BMP2K: variants seen among roughly 807,000 people sequenced by gnomAD.
BMP2K encodes BMP2 inducible kinase, also known as BMP-2-inducible protein kinase.
Under a neutral mutation model 116.0 loss-of-function variants are expected in BMP2K, and 74 were observed. That is an observed-to-expected ratio of 0.64 (90% confidence interval 0.53 to 0.77). The LOEUF is 0.77. BMP2K is among the 30% of genes least tolerant of loss of function. The pLI is 0.00. For missense variants in BMP2K, 1,365 were observed against 1,403.6 expected (o/e 0.97, Z 0.44); for synonymous variants, 486 against 502.5 (o/e 0.97, Z 0.44).
chr4:78,870,325 A>G (rs1732266748), intron 10 of BMP2K, among the ~76,000 whole-genome samples: 1 of 152,230 alleles, frequency 6.6e-6, no homozygotes, highest in South Asian at 2.1e-4. Flanking sequence ...TGTGCAAGAC[A>G]GACTGAAATG....
At chr4:78,894,408 CT>C (rs1369053227) in intron 15 of BMP2K, among the ~76,000 whole-genome samples, 1 of 152,198 alleles carries the variant, frequency 6.6e-6, no homozygotes, top group Non-Finnish European at 1.5e-5. Flanking sequence ...ACTTGTTACA[CT>C]TCCTGCGTTA....
chr4:78,812,131 C>G (rs1223803955), intron 1 of BMP2K, among the ~76,000 whole-genome samples: 1 of 152,040 alleles, frequency 6.6e-6, no homozygotes, highest in Non-Finnish European at 1.5e-5. Flanking sequence ...CCACGCCTGG[C>G]TAATTTTTGT....
chr4:78,783,166 T>C (rs537558137), intron 1 of BMP2K, among the ~76,000 whole-genome samples: 1 of 152,218 alleles, frequency 6.6e-6, no homozygotes, highest in Admixed American at 6.5e-5. Context: ...CTGAATAGTT[T>C]GTTAGATAAT....
intron 5 of BMP2K, 144 bp downstream of exon 5, chr4:78,845,193 A>C (rs1203164949): frequency 2.7e-6 from 2 of 750,398 alleles, no homozygotes; most frequent in Non-Finnish European, 4.2e-6. Context: ...TGATTAATTC[A>C]TGTCTGATCT....
chr4:78,886,130 GGATTATAGGTGTGA>G (rs1408673962), intron 14 of BMP2K, among the ~76,000 whole-genome samples: 1 of 152,038 alleles, frequency 6.6e-6, no homozygotes, highest in African/African-American at 2.4e-5. Context: ...CAGAGTGCTG[GGATTATAGGTGTGA>G]GCCCCCATCC....
chr4:78,839,029 C>A lies in BMP2K; in HGVS notation c.404-3356C>A, dbSNP rs1034863293. On this transcript the variant is annotated intron_variant, in intron 3 of 15. Coordinates refer to ENST00000502613, the MANE Select transcript of BMP2K (RefSeq NM_198892.2). Reference sequence around the variant, plus strand: ...TTAATGTATGTTTTTAGGAAGTATTCTACATATGTTTCCATGGATTATGTA... The same window carrying A: ...TTAATGTATGTTTTTAGGAAGTATTATACATATGTTTCCATGGATTATGTA... Among the ~76,000 whole-genome samples the A allele has an allele frequency of 5.3e-5, 8 of 152,166 alleles. 1 individual carries two copies. The South Asian group carries it at 1.7e-3, about 32-fold the overall frequency.
At chr4:78,863,748 C>T (rs991155771) in intron 9 of BMP2K, among the ~76,000 whole-genome samples, 1 of 152,134 alleles carries the variant, frequency 6.6e-6, no homozygotes, top group African/African-American at 2.4e-5. Context: ...CTTCCCTATG[C>T]CTAATCTGCC....
chr4:78,794,211 T>C (rs115118633), intron 1 of BMP2K, among the ~76,000 whole-genome samples: 1 of 150,812 alleles, frequency 6.6e-6, no homozygotes, highest in Admixed American at 6.7e-5. Flanking sequence ...GACAATTTGG[T>C]AGGCTGAGTG....
intron 15 of BMP2K, among the ~76,000 whole-genome samples, chr4:78,901,007 A>G (rs1023845452): frequency 3.3e-5 from 5 of 152,160 alleles, no homozygotes; most frequent in African/African-American, 9.7e-5. Context: ...TCTTAGTTCT[A>G]TCACAGATTA....
chr4:78,791,844 T>C (rs2109934913), intron 1 of BMP2K, among the ~76,000 whole-genome samples: 1 of 151,638 alleles, frequency 6.6e-6, no homozygotes, highest in East Asian at 1.9e-4. Flanking sequence ...TTTGTCTGTC[T>C]GTGGGCATTT....
intron 1 of BMP2K, among the ~76,000 whole-genome samples, chr4:78,795,826 C>G (rs1728234152): frequency 6.6e-6 from 1 of 152,076 alleles, no homozygotes; most frequent in South Asian, 2.1e-4. Context: ...AAATGCAAAT[C>G]AAAACCACAA....
At chr4:78,907,818 T>C (rs1419982913) in intron 15 of BMP2K, among the ~76,000 whole-genome samples, 2 of 152,064 alleles carry the variant, frequency 1.3e-5, no homozygotes, top group African/African-American at 2.4e-5. Context: ...TTGGGCAACA[T>C]TGGAATGTTA....
chr4:78,840,811 T>C (rs1730722695), intron 3 of BMP2K, among the ~76,000 whole-genome samples: 1 of 152,194 alleles, frequency 6.6e-6, no homozygotes. Context: ...GAATTAAAGT[T>C]TGTTTAAAAT....
Position 78,776,717 on chromosome 4 carries a change from C to T in BMP2K, c.174C>T (p.Ala58=), listed in dbSNP as rs1384722197. 28 of 1,267,650 alleles carry T rather than the reference C, an allele frequency of 2.2e-5. No homozygotes were observed. The highest frequency in any genetic ancestry group is 2.7e-5 in the Non-Finnish European group (27 of 1,002,806). 78.5% of individuals were successfully genotyped at this position (1,267,650 alleles called of 1,614,324 possible). ...RHQVTLEESL[A]EGGFSTVFLV... ...AGGTCACCCTGGAAGAGTCGCTGGCCGAAGGTACGGGCGCCCGGGGAGGCT... is the reference window on the plus strand; with the variant it reads ...AGGTCACCCTGGAAGAGTCGCTGGCTGAAGGTACGGGCGCCCGGGGAGGCT... The change falls in exon 1 of 16, where the codon GCC becomes GCT. Residue 58 remains alanine (A), a synonymous_variant. Transcript: ENST00000502613.
intron 14 of BMP2K, among the ~76,000 whole-genome samples, chr4:78,885,846 C>T (rs1326838055): frequency 2.6e-5 from 4 of 152,068 alleles, no homozygotes; most frequent in Non-Finnish European, 4.4e-5. Context: ...TATGTGTCTA[C>T]TATGTGGAGA....
chr4:78,852,938 C>T (rs1224818240), intron 7 of BMP2K, among the ~76,000 whole-genome samples: 2 of 152,010 alleles, frequency 1.3e-5, no homozygotes, highest in South Asian at 4.1e-4. Flanking sequence ...CAAATGTGGC[C>T]TTTTGTGTCT....
At chr4:78,854,754 A>G (rs1401584553) in intron 7 of BMP2K, among the ~76,000 whole-genome samples, 1 of 152,066 alleles carries the variant, frequency 6.6e-6, no homozygotes, top group Non-Finnish European at 1.5e-5. Flanking sequence ...TGTTTTTACT[A>G]CATTTAAATT....
chr4:78,911,534 G>A lies in BMP2K; in HGVS notation c.2987G>A (p.Arg996Gln). The change falls in exon 16 of 16, where the codon CGG becomes CAG. Residue 996 changes from arginine to glutamine, a missense_variant. Physicochemically the swap from Arg to Gln is conservative, Grantham distance 43. Around this residue, in one of 3 missense-constraint regions of BMP2K, gnomAD observed 596 missense variants for 623.2 expected, o/e 0.96. Coordinates refer to ENST00000502613, the MANE Select transcript of BMP2K (RefSeq NM_198892.2). Reference sequence around the variant, plus strand: ...GATATGTCCAAAAGTAATGGGAAGCGGCATCATGGCACGCCAACTAGCACA... The same window carrying A: ...GATATGTCCAAAAGTAATGGGAAGCAGCATCATGGCACGCCAACTAGCACA... ...KQDMSKSNGK[R>Q]HHGTPTSTKK... 4 of 1,614,006 alleles carry A rather than the reference G, an allele frequency of 2.5e-6. No individual in the cohort carries two copies. Among genetic ancestry groups the A allele is most frequent in the Non-Finnish European group, 3.4e-6 (4 of 1,179,896 alleles).
At chr4:78,829,787 T>TTTCTCTTCTC (rs745602899) in intron 2 of BMP2K, among the ~76,000 whole-genome samples, 5,734 of 86,462 alleles carry the variant, frequency 0.066, 391 homozygotes, top group East Asian at 0.12. Context: ...TTTCTTTTCT[T>TTTCTCTTCTC]TTCTCTTCTC....
Sources: gnomAD v4.1 joint callset for allele counts (sites outside exome capture counted in the v4.1 genomes callset) on GRCh38, gnomAD v4.1.1 for gene constraint, gnomAD v4.1.1 regional missense constraint, MANE v1.5 for transcripts, NCBI Gene and HGNC (gene_info 2026-07-23, HGNC 2026-07-21) for gene names.